ASTN1: variants seen among roughly 807,000 people sequenced by gnomAD.
The protein encoded by ASTN1 is astrotactin 1, also known as astrotactin-1.
In ASTN1, 41 loss-of-function variants were observed where a neutral mutation model predicts 140.7. The observed-to-expected ratio is 0.29, with a 90% CI of 0.23 to 0.38. The LOEUF (loss-of-function observed/expected upper bound fraction) is 0.38. Ranked by LOEUF, ASTN1 falls within the 10% of genes least tolerant of loss-of-function variation. The pLI is 1.00. For missense variants in ASTN1, 1,479 were observed against 1,678.8 expected, an observed-to-expected ratio of 0.88 and a Z score of 2.08; for synonymous variants, 640 against 652.2, an observed-to-expected ratio of 0.98 and a Z score of 0.29.
chr1:177,023,243 A>C (rs1315542389), intron 7 of ASTN1, 161 bp downstream of exon 7: 1 of 890,980 alleles, frequency 1.1e-6, no homozygotes, highest in Non-Finnish European at 1.6e-6. Flanking sequence ...AGTTTTAGCC[A>C]ATAAGCTCTG....
At chr1:177,139,081 A>G (rs761968648) in intron 1 of ASTN1, among the ~76,000 whole-genome samples, 7 of 152,330 alleles carry the variant, frequency 4.6e-5, no homozygotes, top group Non-Finnish European at 7.3e-5. Context: ...GTGAATCTCA[A>G]CAGATGAGAA....
chr1:177,093,759 A>G (rs1381285343), intron 1 of ASTN1, among the ~76,000 whole-genome samples: 1 of 152,238 alleles, frequency 6.6e-6, no homozygotes, highest in Admixed American at 6.5e-5. Flanking sequence ...AAATATCAAC[A>G]AAGAAAAGGT....
At chr1:177,021,952 G>GT (rs1324292872) in intron 7 of ASTN1, among the ~76,000 whole-genome samples, 1 of 152,198 alleles carries the variant, frequency 6.6e-6, no homozygotes, top group Non-Finnish European at 1.5e-5. Flanking sequence ...GTTTGGTTTG[G>GT]TGTTTGCCTG....
chr1:177,025,501 C>T (rs1289221266), intron 5 of ASTN1, among the ~76,000 whole-genome samples: 2 of 149,276 alleles, frequency 1.3e-5, no homozygotes, highest in African/African-American at 2.5e-5. Flanking sequence ...GGGGAGAAGA[C>T]GAAATGCCAT....
rs938248212 is a variant in ASTN1, at chr1:177,002,398, C to T, written c.1523+12393G>A. ...ACAAACACACACACACACACACACA[C>T]ACACACACACACACACACATGAACA... On this transcript the variant is annotated intron_variant, in intron 8 of 22. Transcript: ENST00000361833. Among the ~76,000 whole-genome samples the T allele has an allele frequency of 3.3e-5, 5 of 151,810 alleles. No homozygotes were observed. The East Asian group carries it at 7.7e-4, about 23-fold the overall frequency.
At chr1:177,132,680 G>GA (rs1022877172) in intron 1 of ASTN1, among the ~76,000 whole-genome samples, 12 of 152,128 alleles carry the variant, frequency 7.9e-5, no homozygotes, top group Non-Finnish European at 1.5e-4. Flanking sequence ...GGCCCTGACA[G>GA]AAAAAACAGA....
In ASTN1 at chr1:176,882,884, A is replaced by T; in HGVS notation, c.3337T>A (p.Cys1113Ser). 1.9e-6 allele frequency: 3 copies of T among 1,614,148 alleles called. No individual in the cohort carries two copies. Among genetic ancestry groups the T allele is most frequent in the Non-Finnish European group, 2.5e-6 (3 of 1,180,000 alleles). ...QLTTISLIIR[C>S]LEPDTIYMFT... The stretch of plus-strand genomic sequence containing the variant: ...ATGTAAATGGTGTCAGGTTCCAGGC[A>T]TCGTATGATCAGAGAGATGGTGGTG... The change falls in exon 20 of 23, where the codon TGC (cysteine) becomes AGC (serine). Residue 1113 changes from cysteine to serine, a missense_variant. Transcript: ENST00000361833.
chr1:177,008,547 G>A (rs898315477), intron 8 of ASTN1, among the ~76,000 whole-genome samples: 14 of 149,656 alleles, frequency 9.4e-5, no homozygotes, highest in Non-Finnish European at 2.1e-4. Context: ...GAGAGAGAGG[G>A]AGAGGAAGAG....
chr1:177,103,999 A>T (rs1315234219), intron 1 of ASTN1, among the ~76,000 whole-genome samples: 1 of 152,162 alleles, frequency 6.6e-6, no homozygotes, highest in African/African-American at 2.4e-5. Context: ...GTTAAAGGGT[A>T]TGGCCTGGCG....
Position 176,969,870 on chromosome 1 carries a change from G to A in ASTN1, c.1524-4633C>T, listed in dbSNP as rs141093860. On this transcript the variant is annotated intron_variant, in intron 8 of 22. Coordinates refer to ENST00000361833, the MANE Select transcript of ASTN1 (RefSeq NM_004319.3). The stretch of plus-strand genomic sequence containing the variant: ...ACAAATAAAGACCCTGAAGATTGTC[G>A]TCCCATGTGGGCAGCTACAGGTGGC... Among the ~76,000 whole-genome samples, 32 of 152,234 alleles carry A rather than the reference G, an allele frequency of 2.1e-4. No individual in the cohort carries two copies. In the East Asian group the frequency reaches 4.6e-3, roughly 22 times the overall value.
At chr1:177,130,193 A>G (rs777951515) in intron 1 of ASTN1, among the ~76,000 whole-genome samples, 20 of 152,254 alleles carry the variant, frequency 1.3e-4, no homozygotes, top group Non-Finnish European at 2.2e-4. Flanking sequence ...CTTCCTGTTT[A>G]AATTCCTTTT....
chr1:176,914,169 G>C (rs1277593956), intron 16 of ASTN1, among the ~76,000 whole-genome samples: 4 of 152,152 alleles, frequency 2.6e-5, no homozygotes, highest in Non-Finnish European at 5.9e-5. Context: ...TTATTACTTT[G>C]TCCAAGGTCA....
chr1:177,111,804 C>A (rs1680833840), intron 1 of ASTN1, among the ~76,000 whole-genome samples: 1 of 152,164 alleles, frequency 6.6e-6, no homozygotes, highest in Non-Finnish European at 1.5e-5. Context: ...AAGCAGCCCC[C>A]TTTTGTATGG....
At chr1:177,085,194 C>T (rs1679402701) in intron 1 of ASTN1, among the ~76,000 whole-genome samples, 1 of 152,200 alleles carries the variant, frequency 6.6e-6, no homozygotes, top group Admixed American at 6.5e-5. Flanking sequence ...TTCAGCTCTG[C>T]TCCTAATCAT....
intron 1 of ASTN1, among the ~76,000 whole-genome samples, chr1:177,131,270 C>T (rs1681927144): frequency 1.3e-5 from 2 of 152,138 alleles, no homozygotes; most frequent in Non-Finnish European, 1.5e-5. Context: ...TTCTGGGAAT[C>T]TATCCCAAGA....
chr1:177,110,572 T>G (rs1439397638), intron 1 of ASTN1, among the ~76,000 whole-genome samples: 1 of 152,134 alleles, frequency 6.6e-6, no homozygotes, highest in Non-Finnish European at 1.5e-5. Context: ...GGGGAGGAAA[T>G]AAACATGCAT....
intron 21 of ASTN1, 98 bp from the exon 22 acceptor site, chr1:176,869,125 A>T (rs552950435): frequency 2.5e-6 from 2 of 787,494 alleles, no homozygotes; most frequent in African/African-American, 3.6e-5. Context: ...TAGACATATC[A>T]CATATAAACA....
intron 2 of ASTN1, among the ~76,000 whole-genome samples, chr1:177,049,727 G>A (rs139258829): frequency 1.4e-4 from 21 of 152,326 alleles, no homozygotes; most frequent in East Asian, 9.6e-4. Context: ...TCTGTGTGAC[G>A]ATAGCTGGGC....
intron 21 of ASTN1, among the ~76,000 whole-genome samples, chr1:176,873,265 T>C (rs1668423913): frequency 6.6e-6 from 1 of 152,058 alleles, no homozygotes; most frequent in African/African-American, 2.4e-5. Flanking sequence ...TGAAGCTTCA[T>C]GAAGAACTCT....
Sources: gnomAD v4.1 joint callset for allele counts (sites outside exome capture counted in the v4.1 genomes callset) on GRCh38, gnomAD v4.1.1 for gene constraint, MANE v1.5 for transcripts, NCBI Gene and HGNC (gene_info 2026-07-23, HGNC 2026-07-21) for gene names.